Variants in SUGCT observed in about 807,000 individuals in gnomAD.
SUGCT encodes the protein succinyl-CoA:glutarate CoA-transferase.
SUGCT carries 41 observed loss-of-function variants against 55.0 expected under a neutral mutation model. That is an observed-to-expected ratio of 0.74 (90% CI 0.58 to 0.97). The LOEUF is 0.97. Ranked by LOEUF, SUGCT falls within the 50% of genes least tolerant of loss-of-function variation. The pLI is 0.00. For missense variants in SUGCT, 568 were observed against 547.8 expected (o/e 1.04, Z -0.37); for synonymous variants, 187 against 200.4 (o/e 0.93, Z 0.56).
intron 12 of SUGCT, among the ~76,000 whole-genome samples, chr7:40,589,840 G>A (rs1287934950): frequency 6.6e-6 from 1 of 152,092 alleles, no homozygotes; most frequent in Non-Finnish European, 1.5e-5. Context: ...TGTATTTCAG[G>A]CATTTTGGAT....
At chr7:40,322,973 T>TAAATAAAATAAAATA (rs57592916) in intron 9 of SUGCT, among the ~76,000 whole-genome samples, 16,707 of 146,580 alleles carry the variant, frequency 0.11, 1,296 homozygotes, top group East Asian at 0.43. Context: ...TCAAATAAAA[T>TAAATAAAATAAAATA]AAATAAAATA....
chr7:40,724,480 A>G (rs1203714), intron 12 of SUGCT, among the ~76,000 whole-genome samples: 55,001 of 151,510 alleles, frequency 0.36, 12,367 homozygotes, highest in African/African-American at 0.64. Flanking sequence ...GGAGAATGAC[A>G]TGAACCTGGG....
chr7:40,657,360 G>A (rs1329213044), intron 12 of SUGCT, among the ~76,000 whole-genome samples: 2 of 152,078 alleles, frequency 1.3e-5, no homozygotes, highest in Admixed American at 6.5e-5. Flanking sequence ...CTGTATTTGA[G>A]ATTGACAATA....
the SUGCT span, among the ~76,000 whole-genome samples, chr7:40,924,321 A>T: frequency 7.0e-6 from 1 of 143,228 alleles, no homozygotes; most frequent in South Asian, 2.3e-4. Context: ...GTTTACTGCA[A>T]CCTCTGCCTC....
rs529766834 is a variant in SUGCT, at chr7:40,311,798, A to C, written c.721-4962A>C. On this transcript the variant is annotated intron_variant, in intron 8 of 13. Transcript: ENST00000335693. Reference sequence around the variant, plus strand: ...GAGTAAAGCCTTACACATTAGCAACACTCAGTAGTTGCTGAATAATTAAAC... The same window carrying C: ...GAGTAAAGCCTTACACATTAGCAACCCTCAGTAGTTGCTGAATAATTAAAC... 5.3e-5 allele frequency among the ~76,000 whole-genome samples: 8 copies of C among 152,238 alleles called. 1 individual carries two copies. The East Asian group carries it at 1.4e-3, about 26-fold the overall frequency.
the SUGCT span, among the ~76,000 whole-genome samples, chr7:40,926,183 T>C: frequency 6.6e-6 from 1 of 152,120 alleles, no homozygotes; most frequent in African/African-American, 2.4e-5. Context: ...CTAATACAGC[T>C]TGATTCTTCC....
chr7:40,830,669 A>G (rs536421691), intron 13 of SUGCT, among the ~76,000 whole-genome samples: 3 of 152,166 alleles, frequency 2.0e-5, no homozygotes, highest in Non-Finnish European at 4.4e-5. Flanking sequence ...CGCCAGGCCT[A>G]TAGTAGGCAC....
chr7:40,406,535 C>T (rs1346877897), intron 9 of SUGCT, among the ~76,000 whole-genome samples: 1 of 152,158 alleles, frequency 6.6e-6, no homozygotes, highest in Admixed American at 6.5e-5. Context: ...AGGTTAGAAG[C>T]AAGATGGAGA....
chr7:40,419,982 C>T (rs921371892), intron 9 of SUGCT, among the ~76,000 whole-genome samples: 2 of 152,132 alleles, frequency 1.3e-5, no homozygotes, highest in Admixed American at 1.3e-4. Flanking sequence ...GGGCTCCAAA[C>T]CATGTGCTTT....
the SUGCT span, among the ~76,000 whole-genome samples, chr7:40,945,233 A>C: frequency 6.6e-6 from 1 of 152,064 alleles, no homozygotes; most frequent in African/African-American, 2.4e-5. Flanking sequence ...GAAAGGAAGA[A>C]GCCACCTCAA....
At chr7:40,474,183 G>T (rs1203920361) in intron 11 of SUGCT, among the ~76,000 whole-genome samples, 1 of 152,164 alleles carries the variant, frequency 6.6e-6, no homozygotes, top group African/African-American at 2.4e-5. Flanking sequence ...GTTAATAGAA[G>T]ATTTGAGAAG....
At chr7:40,230,175 T>TAA (rs1788637262) in intron 6 of SUGCT, among the ~76,000 whole-genome samples, 2 of 152,192 alleles carry the variant, frequency 1.3e-5, no homozygotes, top group African/African-American at 4.8e-5. Flanking sequence ...GTCTGTATCT[T>TAA]AAAGAGTGCT....
intron 1 of SUGCT, among the ~76,000 whole-genome samples, chr7:40,144,949 G>A (rs188726959): frequency 1.0e-3 from 157 of 152,194 alleles, no homozygotes; most frequent in African/African-American, 3.5e-3. Flanking sequence ...AATTTTTAAT[G>A]TCTGACCATA....
At chr7:40,729,084 T>C (rs1366150643) in intron 12 of SUGCT, among the ~76,000 whole-genome samples, 1 of 152,224 alleles carries the variant, frequency 6.6e-6, no homozygotes, top group Non-Finnish European at 1.5e-5. Flanking sequence ...ATGCTATTAC[T>C]TTCTCTTTTG....
At chr7:40,422,499 T>TA in intron 9 of SUGCT, among the ~76,000 whole-genome samples, 1 of 152,178 alleles carries the variant, frequency 6.6e-6, no homozygotes, top group African/African-American at 2.4e-5. Flanking sequence ...TCTGGCATTG[T>TA]ATATGCCACA....
Position 40,796,339 on chromosome 7 carries a change from G to T in SUGCT, c.1153+46842G>T, listed in dbSNP as rs548184785. Among the ~76,000 whole-genome samples, 179 of 152,298 alleles carry T rather than the reference G, an allele frequency of 1.2e-3. 1 individual carries two copies. Among genetic ancestry groups the T allele is most frequent in the Non-Finnish European group, 1.8e-3 (120 of 68,020 alleles). On this transcript the variant is annotated intron_variant, in intron 13 of 13. Transcript: ENST00000335693. ...TGAGAACACTGATATGGTAAGGAGA[G>T]AACTTCTGACTGAAAGCTAGAGAGT... is the stretch of plus-strand genomic sequence containing the variant.
intron 13 of SUGCT, among the ~76,000 whole-genome samples, chr7:40,772,007 T>C (rs1338666713): frequency 6.6e-6 from 1 of 152,214 alleles, no homozygotes; most frequent in Non-Finnish European, 1.5e-5. Flanking sequence ...GGTGACCATA[T>C]GTTCCATTTG....
chr7:40,327,279 A>C (rs59514652), intron 9 of SUGCT, among the ~76,000 whole-genome samples: 152,117 of 152,282 alleles, frequency 1, 75,976 homozygotes, highest in Non-Finnish European at 1. Context: ...TCCTGGTTAA[A>C]TTTGGAACCA....
rs755334518 is a variant in SUGCT, at chr7:40,582,930, G to A, written c.1089+86544G>A. On this transcript the variant is annotated intron_variant, in intron 12 of 13. Coordinates refer to ENST00000335693, the MANE Select transcript of SUGCT (RefSeq NM_001193313.2). ...GTATTATTAGTATATCCTAAATATT[G>A]TCATTTATTTTCATAAGCAATTTTG... Among the ~76,000 whole-genome samples, 9 of 152,194 alleles carry A rather than the reference G, an allele frequency of 5.9e-5. No homozygotes were observed. In the South Asian group the frequency reaches 8.3e-4, roughly 14 times the overall value.
Sources: gnomAD v4.1 joint callset for allele counts (sites outside exome capture counted in the v4.1 genomes callset) on GRCh38, gnomAD v4.1.1 for gene constraint, MANE v1.5 for transcripts, NCBI Gene and HGNC (gene_info 2026-07-23, HGNC 2026-07-21) for gene names.